The following WDR26 variants were observed in gnomAD, a reference collection of about 807,000 sequenced individuals.
WDR26 encodes the protein WD repeat-containing protein 26.
In WDR26, 5 loss-of-function variants were observed where a neutral mutation model predicts 84.1. That is an observed-to-expected ratio of 0.06 (90% CI 0.03 to 0.13). WDR26 has a LOEUF of 0.13. Ranked by LOEUF, WDR26 falls within the 10% of genes least tolerant of loss-of-function variation. The pLI is 1.00. For synonymous variants in WDR26, 415 were observed against 389.6 expected, an observed-to-expected ratio of 1.07 and a Z score of -0.77; for missense variants, 642 against 974.9, an observed-to-expected ratio of 0.66 and a Z score of 4.55.
chr1:224,389,711 G>T lies in WDR26; in HGVS notation c.*124C>A. ...TTGGCCCCAATCGGGCTTCAGAAATGGTTCTTTTTTCATGACGAGCATGTC... is the reference window on the plus strand; with the variant it reads ...TTGGCCCCAATCGGGCTTCAGAAATTGTTCTTTTTTCATGACGAGCATGTC... On this transcript the variant is annotated 3_prime_UTR_variant, in exon 14 of 14. Coordinates refer to ENST00000414423, the MANE Select transcript of WDR26 (RefSeq NM_001379403.1). 1 of 1,041,498 alleles carries T rather than the reference G, an allele frequency of 9.6e-7. No individual in the cohort carries two copies. Among genetic ancestry groups the T allele is most frequent in the Non-Finnish European group, 1.5e-6 (1 of 678,692 alleles). The allele number at this position is 1,041,498 out of a possible 1,614,324, so 64.5% of individuals were successfully genotyped here. A position where few individuals can be genotyped will look rare whatever the true frequency, so the allele number is the denominator to read the frequency against.
intron 13 of WDR26, 43 bp from the exon 14 acceptor site, chr1:224,389,903 A>AT: frequency 1.2e-5 from 4 of 322,562 alleles, no homozygotes; most frequent in Non-Finnish European, 2.4e-5. Flanking sequence ...CGGGCGGGGG[A>AT]GGGAAGAGGG....
At chr1:224,391,378 A>C (rs1312240542) in intron 13 of WDR26, among the ~76,000 whole-genome samples, 48 of 106,630 alleles carry the variant, frequency 4.5e-4, no homozygotes, top group African/African-American at 2.1e-3. Flanking sequence ...AAAAAAAAAA[A>C]AAAAACAAAA....
At chr1:224,427,769 T>C (rs1451529781) in intron 3 of WDR26, among the ~76,000 whole-genome samples, 1 of 152,192 alleles carries the variant, frequency 6.6e-6, no homozygotes, top group Admixed American at 6.5e-5. Context: ...AGTAAAACTG[T>C]ATTTTACCTC....
chr1:224,414,621 GT>G (rs1214049275), intron 6 of WDR26, among the ~76,000 whole-genome samples: 3 of 152,088 alleles, frequency 2.0e-5, no homozygotes, highest in Admixed American at 1.3e-4. Flanking sequence ...TTCTAAAAGA[GT>G]AAAGAAAGTA....
In WDR26 at chr1:224,434,210, A is replaced by T; in HGVS notation, c.196T>A (p.Ser66Thr). ...AGTCCCACCACTACCACCACGGAGG[A>T]GGAGGAGGAGGAGGAGGACGAGGAC... Residue 66 changes from serine (S) to threonine (T), a missense_variant, in exon 1 of 14, where the codon TCC (serine) becomes ACC (threonine). By Grantham distance (58) the Ser-to-Thr change is moderately conservative. Transcript: ENST00000414423. The T allele has an allele frequency of 7.2e-7, 1 of 1,382,578 alleles. No individual in the cohort carries two copies. Among genetic ancestry groups the T allele is most frequent in the Non-Finnish European group, 9.3e-7 (1 of 1,069,886 alleles). 85.6% of individuals were successfully genotyped at this position (1,382,578 alleles called of 1,614,324 possible). A position where few individuals can be genotyped will look rare whatever the true frequency, so the allele number is the denominator to read the frequency against.
intron 12 of WDR26, among the ~76,000 whole-genome samples, chr1:224,395,013 T>C (rs1673222019): frequency 6.6e-6 from 1 of 152,162 alleles, no homozygotes; most frequent in Non-Finnish European, 1.5e-5. Flanking sequence ...CCCTACAGCT[T>C]TCTTTGTAAT....
intron 9 of WDR26, among the ~76,000 whole-genome samples, chr1:224,400,548 T>C (rs1002303169): frequency 6.6e-6 from 1 of 152,176 alleles, no homozygotes; most frequent in Non-Finnish European, 1.5e-5. Flanking sequence ...TTTTGTTTTA[T>C]TTATGTATTT....
intron 8 of WDR26, among the ~76,000 whole-genome samples, chr1:224,401,690 G>GAAAAAAAAAAAAAAAAAAAAAAAAAAAAA (rs67543360): frequency 2.4e-5 from 2 of 84,026 alleles, no homozygotes; most frequent in Non-Finnish European, 4.7e-5. Context: ...AAAAAAAAAA[G>GAAAAAAAAAAAAAAAAAAAAAAAAAAAAA]AAAAAAAAAA....
At chr1:224,413,812 CTTTA>C (rs766831021) in intron 6 of WDR26, among the ~76,000 whole-genome samples, 13 of 151,914 alleles carry the variant, frequency 8.6e-5, no homozygotes, top group South Asian at 4.2e-4. Flanking sequence ...TAATGTTTAT[CTTTA>C]TTTGTTTTTT....
At chr1:224,414,388 G>A (rs1673832387) in intron 6 of WDR26, among the ~76,000 whole-genome samples, 1 of 152,136 alleles carries the variant, frequency 6.6e-6, no homozygotes. Context: ...TTACAGGTGT[G>A]AGCCACCATG....
rs1672983425 is a variant in WDR26 at position 224,385,968 on chromosome 1, CACACACACACAGA to C, written c.*3854_*3866del. The C allele has an allele frequency of 6.6e-6, 1 of 152,110 alleles. No homozygotes were observed. Among genetic ancestry groups the C allele is most frequent in the Admixed American group, 6.6e-5 (1 of 15,258 alleles). The allele number at this position is 152,110 out of a possible 1,614,324, so 9.4% of individuals were successfully genotyped here. On this transcript the variant is annotated 3_prime_UTR_variant, in exon 14 of 14. Coordinates refer to ENST00000414423, the MANE Select transcript of WDR26 (RefSeq NM_001379403.1). Reference sequence around the variant, plus strand: ...TTAATGAATCAAGTACTCTCTCTCTCACACACACACAGAACACACACACACATTTTTATACTAT... The same window carrying C: ...TTAATGAATCAAGTACTCTCTCTCTCACACACACACACATTTTTATACTAT...
chr1:224,417,537 T>C (rs1673940451), intron 6 of WDR26, among the ~76,000 whole-genome samples: 1 of 152,166 alleles, frequency 6.6e-6, no homozygotes, highest in Non-Finnish European at 1.5e-5. Context: ...ACCCCATCTC[T>C]ACAAAAAAAC....
chr1:224,389,725 G>T lies in WDR26; in HGVS notation c.*110C>A. ...GCTTCAGAAATGGTTCTTTTTTCAT[G>T]ACGAGCATGTCTGTCCAGCTATCAA... On this transcript the variant is annotated 3_prime_UTR_variant, in exon 14 of 14. Transcript: ENST00000414423. The T allele has an allele frequency of 8.7e-7, 1 of 1,148,196 alleles. No homozygotes were observed. Among genetic ancestry groups the T allele is most frequent in the Non-Finnish European group, 1.3e-6 (1 of 771,862 alleles). 71.1% of individuals were successfully genotyped at this position (1,148,196 alleles called of 1,614,324 possible).
intron 4 of WDR26, among the ~76,000 whole-genome samples, chr1:224,421,098 C>G (rs1041743732): frequency 6.6e-6 from 1 of 152,194 alleles, no homozygotes; most frequent in East Asian, 1.9e-4. Flanking sequence ...CATGGTACAA[C>G]TAAAAGGACA....
chr1:224,413,409 T>C, intron 6 of WDR26: 1 of 690,138 alleles, frequency 1.4e-6, no homozygotes, highest in Non-Finnish European at 2.0e-6. Context: ...CCTTAGCAGA[T>C]GGGTATTTGC....
At chr1:224,413,225 AAC>A in intron 6 of WDR26, 1 of 949,402 alleles carries the variant, frequency 1.1e-6, no homozygotes, top group Middle Eastern at 2.8e-4. Context: ...CCCCAAAAAA[AAC>A]GTTATTTAAA....
intron 6 of WDR26, among the ~76,000 whole-genome samples, chr1:224,411,978 G>C (rs1268292775): frequency 6.6e-6 from 1 of 151,948 alleles, no homozygotes; most frequent in Non-Finnish European, 1.5e-5. Flanking sequence ...CTCCAGCCTG[G>C]GTGATGGAGT....
At chr1:224,391,801 G>A (rs905803717) in intron 13 of WDR26, among the ~76,000 whole-genome samples, 1 of 152,008 alleles carries the variant, frequency 6.6e-6, no homozygotes, top group African/African-American at 2.4e-5. Flanking sequence ...GGGGGTGGAG[G>A]GGGAATACTC....
intron 7 of WDR26, among the ~76,000 whole-genome samples, chr1:224,409,194 C>G (rs573237967): frequency 9.9e-5 from 15 of 152,094 alleles, no homozygotes; most frequent in Non-Finnish European, 1.9e-4. Flanking sequence ...AATATTTATG[C>G]TCATCACTAC....
Sources: allele counts gnomAD v4.1 joint callset (sites outside exome capture counted in the v4.1 genomes callset), GRCh38; gene constraint gnomAD v4.1.1; transcripts MANE v1.5; gene names NCBI Gene and HGNC (gene_info 2026-07-23, HGNC 2026-07-21).